MALRD1: variants seen among roughly 807,000 people sequenced by gnomAD.
MALRD1 encodes MAM and LDL receptor class A domain containing 1, also known as MAM and LDL-receptor class A domain-containing protein 1.
In MALRD1, 247 loss-of-function variants were observed where a neutral mutation model predicts 242.1. The observed-to-expected ratio is 1.02, with a 90% CI of 0.92 to 1.13. The LOEUF (loss-of-function observed/expected upper bound fraction) is 1.13. Among genes scored for constraint, MALRD1 ranks in the 50% most tolerant of loss-of-function variants. The pLI is 0.00. For missense variants in MALRD1, 2,989 were observed against 2,533.1 expected (o/e 1.18, Z -3.86); for synonymous variants, 995 against 866.6 (o/e 1.15, Z -2.60).
intron 14 of MALRD1, among the ~76,000 whole-genome samples, chr10:19,190,102 A>G (rs1835907659): frequency 6.6e-6 from 1 of 152,134 alleles, no homozygotes; most frequent in South Asian, 2.1e-4. Context: ...GAACTAAAAC[A>G]TGAATTCAAC....
At chr10:19,486,906 A>T (rs911192750) in intron 29 of MALRD1, among the ~76,000 whole-genome samples, 2 of 152,120 alleles carry the variant, frequency 1.3e-5, no homozygotes, top group African/African-American at 4.8e-5. Flanking sequence ...GAGTTTGTTT[A>T]AATCTACAGT....
At chr10:19,490,192 T>G (rs1340752590) in intron 29 of MALRD1, among the ~76,000 whole-genome samples, 1 of 152,172 alleles carries the variant, frequency 6.6e-6, no homozygotes, top group Non-Finnish European at 1.5e-5. Context: ...ACCAATACAA[T>G]GTCAGTTATG....
intron 19 of MALRD1, among the ~76,000 whole-genome samples, chr10:19,279,525 A>G (rs1455068219): frequency 2.0e-5 from 3 of 152,202 alleles, no homozygotes; most frequent in African/African-American, 4.8e-5. Context: ...CATCCTCAGT[A>G]ATTTCAGAAA....
chr10:19,634,905 T>C (rs1489061795), intron 36 of MALRD1, among the ~76,000 whole-genome samples: 1 of 152,154 alleles, frequency 6.6e-6, no homozygotes, highest in African/African-American at 2.4e-5. Context: ...GTTGGTGAAA[T>C]AGAGGTTCAC....
chr10:19,372,527 G>C (rs910881542), intron 26 of MALRD1, among the ~76,000 whole-genome samples: 5 of 151,500 alleles, frequency 3.3e-5, no homozygotes, highest in African/African-American at 9.7e-5. Context: ...GGAGTGTAGT[G>C]GTGCAATCTC....
intron 4 of MALRD1, among the ~76,000 whole-genome samples, chr10:19,097,577 A>G (rs1333977011): frequency 6.6e-6 from 1 of 152,182 alleles, no homozygotes; most frequent in Non-Finnish European, 1.5e-5. Flanking sequence ...GTAGTCCCCA[A>G]TTCAGGTGAA....
chr10:19,196,104 G>A, intron 14 of MALRD1, among the ~76,000 whole-genome samples: 1 of 151,918 alleles, frequency 6.6e-6, no homozygotes, highest in East Asian at 1.9e-4. Flanking sequence ...CTTTTATGTA[G>A]AACCCCTCTC....
At chr10:19,686,184 T>C in intron 36 of MALRD1, among the ~76,000 whole-genome samples, 1 of 6,514 alleles carries the variant, frequency 1.5e-4, no homozygotes, top group South Asian at 0.011. Context: ...GAAAAAGGAG[T>C]AAAGTACACT....
chr10:19,127,051 T>A (rs1837304899), intron 7 of MALRD1, among the ~76,000 whole-genome samples: 1 of 152,172 alleles, frequency 6.6e-6, no homozygotes, highest in South Asian at 2.1e-4. Flanking sequence ...GATAATGGCT[T>A]CCAGCTCCAT....
At chr10:19,601,097 G>A (rs1838319101) in intron 34 of MALRD1, among the ~76,000 whole-genome samples, 1 of 151,958 alleles carries the variant, frequency 6.6e-6, no homozygotes, top group South Asian at 2.1e-4. Flanking sequence ...GCTCAGGCTG[G>A]TTTCAAGCTT....
intron 36 of MALRD1, among the ~76,000 whole-genome samples, 155 bp downstream of exon 36, chr10:19,616,078 G>A (rs1188078176): frequency 6.6e-6 from 1 of 151,790 alleles, no homozygotes; most frequent in Non-Finnish European, 1.5e-5. Context: ...GTCTGAATAA[G>A]GTAAAGGAAT....
chr10:19,588,549 A>G (rs1347192773), intron 33 of MALRD1, among the ~76,000 whole-genome samples: 1 of 152,230 alleles, frequency 6.6e-6, no homozygotes, highest in Non-Finnish European at 1.5e-5. Context: ...AAGCACAAGT[A>G]TAGCTTTGAT....
At chr10:19,652,725 T>C (rs1840953782) in intron 36 of MALRD1, among the ~76,000 whole-genome samples, 1 of 152,212 alleles carries the variant, frequency 6.6e-6, no homozygotes, top group Admixed American at 6.5e-5. Context: ...TTGTCATACA[T>C]TACCTAACTC....
At position 19,677,893 on chromosome 10, in the gene MALRD1, C is replaced by G. The variant is rs189320333; in HGVS notation, c.6138-14389C>G. 2.8e-3 allele frequency among the ~76,000 whole-genome samples: 427 copies of G among 152,258 alleles called. 1 individual carries two copies. The highest frequency in any genetic ancestry group is 9.9e-3 in the African/African-American group (411 of 41,552). ...TTTCAATTTTTCTGCATATGCTAGC[C>G]AGTTATCCCAGCACCATTTATTAAA... On this transcript the variant is annotated intron_variant, in intron 36 of 39. Transcript: ENST00000454679.
Position 19,353,524 on chromosome 10 carries a change from A to G in MALRD1, c.4441+1227A>G, listed in dbSNP as rs375700540. Reference sequence around the variant, plus strand: ...AAAGCAAGTATTTTCATTTGGTTACAAAGAAGTTTCTAGATAAATGTTTCC... The same window carrying G: ...AAAGCAAGTATTTTCATTTGGTTACGAAGAAGTTTCTAGATAAATGTTTCC... On this transcript the variant is annotated intron_variant, in intron 26 of 39. Coordinates refer to ENST00000454679, the MANE Select transcript of MALRD1 (RefSeq NM_001142308.3). Among the ~76,000 whole-genome samples, 7 of 152,338 alleles carry G rather than the reference A, an allele frequency of 4.6e-5. No individual in the cohort carries two copies. In the East Asian group the frequency reaches 9.7e-4, roughly 21 times the overall value.
chr10:19,705,804 T>TAAAAAAAAAAAAAAAAAAA lies in MALRD1; in HGVS notation c.6314+13264_6314+13265insAAAAAAAAAAAAAAAAAAA, dbSNP rs61437328. Among the ~76,000 whole-genome samples, 56 of 102,854 alleles carry TAAAAAAAAAAAAAAAAAAA rather than the reference T, an allele frequency of 5.4e-4. 2 individuals are homozygous for TAAAAAAAAAAAAAAAAAAA. The highest frequency in any genetic ancestry group is 2.0e-3 in the African/African-American group (42 of 21,010). 67.5% of individuals were successfully genotyped at this position (102,854 alleles called of 152,430 possible). On this transcript the variant is annotated intron_variant, in intron 38 of 39. Transcript: ENST00000454679. ...ACCTTGTTCTCATGTCCTGCAATAGTAAAAAAAAAAAAAAGCCCACAAGAG... is the reference window on the plus strand; with the variant it reads ...ACCTTGTTCTCATGTCCTGCAATAGTAAAAAAAAAAAAAAAAAAAAAAAAAAAAAAAAAGCCCACAAGAG...
intron 26 of MALRD1, among the ~76,000 whole-genome samples, chr10:19,353,701 G>C (rs1366679194): frequency 6.6e-6 from 1 of 152,188 alleles, no homozygotes; most frequent in Non-Finnish European, 1.5e-5. Context: ...ACCTGCCCAA[G>C]ATACTCTACT....
intron 33 of MALRD1, among the ~76,000 whole-genome samples, chr10:19,584,475 G>A (rs1300840643): frequency 3.9e-5 from 6 of 152,002 alleles, no homozygotes; most frequent in Non-Finnish European, 7.4e-5. Flanking sequence ...CCTTCATTTC[G>A]TTATGTACCC....
At chr10:19,433,052 C>G (rs150038408) in intron 28 of MALRD1, among the ~76,000 whole-genome samples, 1 of 152,176 alleles carries the variant, frequency 6.6e-6, no homozygotes, top group Non-Finnish European at 1.5e-5. Context: ...TGAACACTTA[C>G]TATGTGCAGG....
Sources: allele counts gnomAD v4.1 joint callset (sites outside exome capture counted in the v4.1 genomes callset), GRCh38; gene constraint gnomAD v4.1.1; transcripts MANE v1.5; gene names NCBI Gene and HGNC (gene_info 2026-07-23, HGNC 2026-07-21).